SEMA3D: variants seen among roughly 807,000 people sequenced by gnomAD.
The protein encoded by SEMA3D is semaphorin 3D.
Under a neutral mutation model 100.1 loss-of-function variants are expected in SEMA3D, and 84 were observed. The ratio of observed to expected loss-of-function variants is 0.84; its 90% CI spans 0.70 to 1.01. The LOEUF is 1.01. SEMA3D is among the 50% of genes least tolerant of loss of function. SEMA3D has a pLI of 0.00. For missense variants in SEMA3D, 875 were observed against 934.1 expected (o/e 0.94, Z 0.82); for synonymous variants, 312 against 320.7 (o/e 0.97, Z 0.29).
chr7:84,997,287 C>T lies in SEMA3D; in HGVS notation c.*2153G>A, dbSNP rs966300076. On this transcript the variant is annotated 3_prime_UTR_variant, in exon 19 of 19. Transcript: ENST00000284136. The stretch of plus-strand genomic sequence containing the variant: ...TCATTCATATTTTGATCATTACTGT[C>T]GGACCCACAAATATTTGGAAATTTT... 10 of 151,980 alleles carry T rather than the reference C, an allele frequency of 6.6e-5. No homozygotes were observed. Among genetic ancestry groups the T allele is most frequent in the African/African-American group, 9.7e-5 (4 of 41,422 alleles). 9.4% of individuals were successfully genotyped at this position (151,980 alleles called of 1,614,324 possible). A position where few individuals can be genotyped will look rare whatever the true frequency, so the allele number is the denominator to read the frequency against.
intron 5 of SEMA3D, among the ~76,000 whole-genome samples, chr7:85,075,548 G>A (rs1228867325): frequency 6.6e-6 from 1 of 152,002 alleles, no homozygotes; most frequent in Non-Finnish European, 1.5e-5. Context: ...ACTTGACAAG[G>A]CATACCTCAG....
At chr7:85,035,709 A>G (rs1790675557) in intron 12 of SEMA3D, among the ~76,000 whole-genome samples, 1 of 152,072 alleles carries the variant, frequency 6.6e-6, no homozygotes, top group South Asian at 2.1e-4. Flanking sequence ...AAATTAAAAA[A>G]TTTAAGGGGA....
chr7:85,141,513 T>C (rs1790052118), intron 2 of SEMA3D: 1 of 984,922 alleles, frequency 1.0e-6, no homozygotes, highest in South Asian at 4.7e-5. Context: ...ACAGGATCAC[T>C]GCCCTACATG....
At chr7:85,147,087 CTT>C (rs1583966727) in intron 2 of SEMA3D, among the ~76,000 whole-genome samples, 1 of 55,744 alleles carries the variant, frequency 1.8e-5, no homozygotes, top group African/African-American at 9.1e-5. Flanking sequence ...TTTTCTTTTT[CTT>C]TTCTTTTTTT....
the SEMA3D span, among the ~76,000 whole-genome samples, chr7:85,197,028 C>T: frequency 3.5e-5 from 4 of 114,906 alleles, no homozygotes; most frequent in Admixed American, 1.8e-4. Context: ...TTAATTTAAT[C>T]CTGTATATTG....
intron 4 of SEMA3D, among the ~76,000 whole-genome samples, chr7:85,094,811 G>A (rs756396642): frequency 2.0e-5 from 3 of 151,852 alleles, no homozygotes; most frequent in Non-Finnish European, 4.4e-5. Context: ...GAGGCCTTAC[G>A]GACCAACTTT....
rs537264714 is a variant in SEMA3D at position 84,998,028 on chromosome 7, A to G, written c.*1412T>C. 3.3e-5 allele frequency: 5 copies of G among 152,278 alleles called. No homozygotes were observed. The South Asian group carries it at 6.2e-4, about 19-fold the overall frequency. The allele number at this position is 152,278 out of a possible 1,614,324, so 9.4% of individuals were successfully genotyped here. ...CTTTTTACATGTAGCAGGCTTATTT[A>G]TTGTTAAATTACAAAAACAATACTA... On this transcript the variant is annotated 3_prime_UTR_variant, in exon 19 of 19. Coordinates refer to ENST00000284136, the MANE Select transcript of SEMA3D (RefSeq NM_001384900.1).
At chr7:85,116,740 G>A (rs187685851) in intron 3 of SEMA3D, among the ~76,000 whole-genome samples, 55 of 152,136 alleles carry the variant, frequency 3.6e-4, no homozygotes, top group African/African-American at 1.3e-3. Context: ...TTTAGTATCT[G>A]AGCTTTGACT....
intron 8 of SEMA3D, among the ~76,000 whole-genome samples, chr7:85,063,419 A>G (rs181803061): frequency 1.3e-5 from 2 of 152,318 alleles, no homozygotes; most frequent in East Asian, 3.9e-4. Context: ...ATTTGCTTGA[A>G]GTCAGTCAAT....
At chr7:85,035,368 G>GTA (rs1419982642) in intron 12 of SEMA3D, among the ~76,000 whole-genome samples, 2 of 151,724 alleles carry the variant, frequency 1.3e-5, no homozygotes, top group East Asian at 3.9e-4. Context: ...GTGTGTATGT[G>GTA]TATATATATA....
intron 8 of SEMA3D, among the ~76,000 whole-genome samples, chr7:85,064,274 A>G (rs1791553241): frequency 6.6e-6 from 1 of 152,188 alleles, no homozygotes; most frequent in Non-Finnish European, 1.5e-5. Context: ...GGTGACATTT[A>G]AGAAGTTACT....
At chr7:85,197,926 T>C in the SEMA3D span, among the ~76,000 whole-genome samples, 2 of 152,128 alleles carry the variant, frequency 1.3e-5, no homozygotes, top group South Asian at 2.1e-4. Flanking sequence ...CAAAAGAAGG[T>C]TATACAGCAA....
At chr7:85,179,781 C>T (rs1054496903) in intron 1 of SEMA3D, among the ~76,000 whole-genome samples, 3 of 151,990 alleles carry the variant, frequency 2.0e-5, no homozygotes, top group African/African-American at 7.2e-5. Context: ...CCTGCCTCAG[C>T]CTCCTGAGTA....
At chr7:85,212,700 A>T in the SEMA3D span, among the ~76,000 whole-genome samples, 1 of 152,052 alleles carries the variant, frequency 6.6e-6, no homozygotes, top group Non-Finnish European at 1.5e-5. Flanking sequence ...TAAATTTTTG[A>T]TATTAAAACT....
intron 5 of SEMA3D, among the ~76,000 whole-genome samples, chr7:85,075,812 C>T (rs987272689): frequency 6.6e-6 from 1 of 152,174 alleles, no homozygotes; most frequent in African/African-American, 2.4e-5. Context: ...TTAAATTTTA[C>T]CTGAGGTTGA....
chr7:85,187,198 G>A (rs1478662687), upstream of SEMA3D, among the ~76,000 whole-genome samples: 1 of 152,118 alleles, frequency 6.6e-6, no homozygotes, highest in Non-Finnish European at 1.5e-5. Flanking sequence ...GCTGCCAGCA[G>A]CGTGGATTTA....
At chr7:85,152,468 G>A (rs973177366) in intron 2 of SEMA3D, among the ~76,000 whole-genome samples, 1 of 152,054 alleles carries the variant, frequency 6.6e-6, no homozygotes, top group African/African-American at 2.4e-5. Context: ...AGTTAACTAC[G>A]ATGAAAGTGA....
intron 3 of SEMA3D, among the ~76,000 whole-genome samples, chr7:85,120,666 CA>C (rs765641197): frequency 0.085 from 7,001 of 82,666 alleles, 358 homozygotes; most frequent in African/African-American, 0.24. Context: ...GACTTCATCT[CA>C]AAAAAAAAAA....
chr7:85,074,966 AAAGAT>A (rs1423467741), intron 5 of SEMA3D, among the ~76,000 whole-genome samples: 1 of 152,202 alleles, frequency 6.6e-6, no homozygotes, highest in Non-Finnish European at 1.5e-5. Flanking sequence ...TAATATGAGA[AAAGAT>A]AAGATAAAAG....
Sources: gnomAD v4.1 joint callset for allele counts (sites outside exome capture counted in the v4.1 genomes callset) on GRCh38, gnomAD v4.1.1 for gene constraint, MANE v1.5 for transcripts, NCBI Gene and HGNC (gene_info 2026-07-23, HGNC 2026-07-21) for gene names.